The following PCDH9 variants were observed in gnomAD, a reference collection of about 807,000 sequenced individuals.
PCDH9 encodes protocadherin-9.
PCDH9 carries 24 observed loss-of-function variants against 70.6 expected under a neutral mutation model. The ratio of observed to expected loss-of-function variants is 0.34; its 90% CI spans 0.25 to 0.48. PCDH9 has a LOEUF of 0.48. PCDH9 is among the 20% of genes least tolerant of loss of function. PCDH9 has a pLI of 0.99. For missense variants in PCDH9, 1,281 were observed against 1,503.6 expected (o/e 0.85, Z 2.45); for synonymous variants, 562 against 558.5 (o/e 1.01, Z -0.09).
At chr13:66,554,164 G>A (rs1449055168) in intron 4 of PCDH9, among the ~76,000 whole-genome samples, 3 of 151,976 alleles carry the variant, frequency 2.0e-5, no homozygotes, top group Non-Finnish European at 4.4e-5. Context: ...GAGAAGCTGA[G>A]CCAATTGCTA....
chr13:66,950,278 T>C (rs1362903484), intron 2 of PCDH9, among the ~76,000 whole-genome samples: 5 of 152,126 alleles, frequency 3.3e-5, no homozygotes, highest in Non-Finnish European at 2.9e-5. Context: ...CAAAATCAGA[T>C]AGAAGAATAT....
At chr13:66,797,066 G>A (rs1417062319) in intron 3 of PCDH9, among the ~76,000 whole-genome samples, 1 of 152,090 alleles carries the variant, frequency 6.6e-6, no homozygotes, top group East Asian at 1.9e-4. Context: ...GAGATAAGGA[G>A]AAAGAGTTAG....
chr13:66,353,695 A>T (rs1010827755), intron 4 of PCDH9, among the ~76,000 whole-genome samples: 2 of 152,068 alleles, frequency 1.3e-5, no homozygotes, highest in African/African-American at 4.8e-5. Context: ...CTTATTTTAT[A>T]CAATTTTTTT....
chr13:66,669,902 AAAAT>A (rs2078147862), intron 3 of PCDH9, among the ~76,000 whole-genome samples: 1 of 152,226 alleles, frequency 6.6e-6, no homozygotes, highest in Admixed American at 6.5e-5. Flanking sequence ...AATAAAACTA[AAAAT>A]AAATGATCAT....
At chr13:66,556,617 T>C (rs1270871791) in intron 4 of PCDH9, among the ~76,000 whole-genome samples, 1 of 152,194 alleles carries the variant, frequency 6.6e-6, no homozygotes, top group Non-Finnish European at 1.5e-5. Context: ...GGTATTGTAA[T>C]ATGCTGACCA....
At chr13:67,136,178 C>G (rs2087227618) in intron 2 of PCDH9, among the ~76,000 whole-genome samples, 2 of 152,060 alleles carry the variant, frequency 1.3e-5, no homozygotes, top group South Asian at 4.1e-4. Context: ...CCTACCATTG[C>G]GTTATAATCG....
chr13:66,832,082 A>T (rs2080936825), intron 3 of PCDH9, among the ~76,000 whole-genome samples: 2 of 152,142 alleles, frequency 1.3e-5, no homozygotes, highest in Non-Finnish European at 2.9e-5. Flanking sequence ...GACAGTAACT[A>T]ATCAACTACC....
At chr13:67,023,729 T>C (rs1255852208) in intron 2 of PCDH9, among the ~76,000 whole-genome samples, 1 of 151,950 alleles carries the variant, frequency 6.6e-6, no homozygotes, top group African/African-American at 2.4e-5. Context: ...AGACCACAGG[T>C]TGTTGCCATG....
chr13:67,021,025 AT>A (rs1218337184), intron 2 of PCDH9, among the ~76,000 whole-genome samples: 5 of 152,216 alleles, frequency 3.3e-5, no homozygotes, highest in Admixed American at 6.5e-5. Flanking sequence ...ACATATTATA[AT>A]TTGGCATTTC....
At chr13:66,970,257 T>C (rs1002829806) in intron 2 of PCDH9, among the ~76,000 whole-genome samples, 1 of 151,976 alleles carries the variant, frequency 6.6e-6, no homozygotes, top group Non-Finnish European at 1.5e-5. Flanking sequence ...AAATAATTTG[T>C]TGAAATGTGT....
intron 4 of PCDH9, among the ~76,000 whole-genome samples, chr13:66,612,481 T>C (rs1247258612): frequency 6.6e-6 from 1 of 152,188 alleles, no homozygotes; most frequent in Non-Finnish European, 1.5e-5. Flanking sequence ...AACTATAATA[T>C]AAATTGTAAA....
chr13:66,500,233 G>A (rs1346157887), intron 4 of PCDH9, among the ~76,000 whole-genome samples: 1 of 152,092 alleles, frequency 6.6e-6, no homozygotes, highest in Non-Finnish European at 1.5e-5. Context: ...CCCTTTGCAT[G>A]TCTCAGGATT....
intron 3 of PCDH9, among the ~76,000 whole-genome samples, chr13:66,657,611 G>A (rs6562462): frequency 0.57 from 85,911 of 152,004 alleles, 24,571 homozygotes; most frequent in African/African-American, 0.64. Flanking sequence ...GTATTGAAGC[G>A]ATTCTTTGGA....
At chr13:66,556,298 C>T (rs962412753) in intron 4 of PCDH9, among the ~76,000 whole-genome samples, 2 of 151,830 alleles carry the variant, frequency 1.3e-5, no homozygotes, top group African/African-American at 2.4e-5. Flanking sequence ...TTTGTTTCTC[C>T]CAGAGCATGA....
At chr13:66,848,694 T>A in intron 3 of PCDH9, among the ~76,000 whole-genome samples, 1 of 152,096 alleles carries the variant, frequency 6.6e-6, no homozygotes, top group South Asian at 2.1e-4. Flanking sequence ...TCTGGGAGGC[T>A]GAGGCGGGCG....
intron 4 of PCDH9, among the ~76,000 whole-genome samples, chr13:66,327,485 C>T (rs994744937): frequency 9.2e-5 from 14 of 152,072 alleles, no homozygotes; most frequent in Non-Finnish European, 1.5e-4. Flanking sequence ...GTGTGTCTTC[C>T]CTTTTTCCTA....
chr13:66,472,255 A>G (rs1303826874), intron 4 of PCDH9, among the ~76,000 whole-genome samples: 1 of 150,486 alleles, frequency 6.6e-6, no homozygotes, highest in Non-Finnish European at 1.5e-5. Flanking sequence ...GAAAATAGAA[A>G]TGTGGTTCAC....
intron 2 of PCDH9, among the ~76,000 whole-genome samples, chr13:67,192,001 T>A (rs2088927471): frequency 1.8e-5 from 1 of 54,536 alleles, no homozygotes; most frequent in East Asian, 8.3e-4. Context: ...TGATACCTAT[T>A]TCAGAAAAAA....
At chr13:66,401,358 T>C (rs1194855309) in intron 4 of PCDH9, among the ~76,000 whole-genome samples, 1 of 151,202 alleles carries the variant, frequency 6.6e-6, no homozygotes, top group Non-Finnish European at 1.5e-5. Flanking sequence ...TGAGTTTTTT[T>C]TTCCCCCCCT....
Sources: allele counts gnomAD v4.1 joint callset (sites outside exome capture counted in the v4.1 genomes callset), GRCh38; gene constraint gnomAD v4.1.1; transcripts MANE v1.5; gene names NCBI Gene and HGNC (gene_info 2026-07-23, HGNC 2026-07-21).